Variants in MGRN1 observed in about 807,000 individuals in gnomAD.
The protein encoded by MGRN1 is E3 ubiquitin-protein ligase MGRN1.
A neutral mutation model predicts 69.2 loss-of-function variants in MGRN1; 29 were observed. That is an observed-to-expected ratio of 0.42 (90% CI 0.31 to 0.57). MGRN1 has a LOEUF of 0.57. MGRN1 is among the 20% of genes least tolerant of loss of function. MGRN1 has a pLI of 0.15. For missense variants in MGRN1, 998 were observed against 796.2 expected, an observed-to-expected ratio of 1.25 and a Z score of -3.05; for synonymous variants, 470 against 344.2, an observed-to-expected ratio of 1.37 and a Z score of -4.04.
intron 8 of MGRN1, among the ~76,000 whole-genome samples, chr16:4,668,745 C>A (rs1369393283): frequency 4.3e-5 from 6 of 137,986 alleles, no homozygotes; most frequent in African/African-American, 1.4e-4. Context: ...CATACTGATA[C>A]ACACACATAT....
rs2079187589 is a variant in MGRN1 at position 4,681,779 on chromosome 16, G to A, written c.1358+3G>A. The A allele has an allele frequency of 6.2e-7, 1 of 1,608,808 alleles. No individual in the cohort carries two copies. Among genetic ancestry groups the A allele is most frequent in the African/African-American group, 1.3e-5 (1 of 74,858 alleles). ...CCGCAGAGCAAGGCCCCCGACAGGT[G>A]AGCAGCAGCCAGGCCAGGTGCATGG... On this transcript the variant is annotated splice_donor_region_variant and intron_variant, in intron 13 of 16. Coordinates refer to ENST00000262370, the MANE Select transcript of MGRN1 (RefSeq NM_015246.4).
At chr16:4,686,574 A>G in intron 16 of MGRN1, 1 of 1,309,830 alleles carries the variant, frequency 7.6e-7, no homozygotes, top group East Asian at 3.2e-5. Flanking sequence ...TCCAGCCTTG[A>G]GGGGCCCTGG....
At chr16:4,681,462 A>G in intron 12 of MGRN1, 88 bp from the exon 13 acceptor site, 1 of 1,297,638 alleles carries the variant, frequency 7.7e-7, no homozygotes, top group Non-Finnish European at 1.1e-6. Flanking sequence ...CCCCCAAAGA[A>G]CAGAGTGGAC....
intron 16 of MGRN1, among the ~76,000 whole-genome samples, chr16:4,684,241 GGGGT>G (rs897710503): frequency 2.6e-5 from 4 of 152,246 alleles, no homozygotes; most frequent in African/African-American, 9.6e-5. Flanking sequence ...GTGAGAGGAT[GGGGT>G]CCTTTTCCCT....
At chr16:4,682,079 G>A (rs1321254895) in intron 13 of MGRN1, among the ~76,000 whole-genome samples, 1 of 152,228 alleles carries the variant, frequency 6.6e-6, no homozygotes. Context: ...CTGTGTCTCT[G>A]CTGAGGGGAG....
intron 11 of MGRN1, among the ~76,000 whole-genome samples, chr16:4,679,198 G>A (rs890461249): frequency 2.0e-5 from 3 of 152,196 alleles, no homozygotes; most frequent in African/African-American, 7.2e-5. Flanking sequence ...CCTCTGAGAG[G>A]GTTTCACCTA....
At chr16:4,660,589 C>T (rs895384900) in intron 5 of MGRN1, among the ~76,000 whole-genome samples, 39 of 152,324 alleles carry the variant, frequency 2.6e-4, no homozygotes, top group South Asian at 1.2e-3. Flanking sequence ...TGGGCAGAAG[C>T]GAAGGGGTGG....
intron 16 of MGRN1, chr16:4,686,623 G>T: frequency 8.5e-7 from 1 of 1,178,456 alleles, no homozygotes; most frequent in Non-Finnish European, 1.1e-6. Context: ...ACACAGCCCA[G>T]GTGCGCCAGA....
intron 7 of MGRN1, among the ~76,000 whole-genome samples, chr16:4,667,692 C>T (rs1596302071): frequency 6.6e-6 from 1 of 152,218 alleles, no homozygotes; most frequent in Non-Finnish European, 1.5e-5. Context: ...GGTCTCCGAT[C>T]TCAAGCCGTA....
At chr16:4,628,272 G>A (rs1406461522) in intron 1 of MGRN1, among the ~76,000 whole-genome samples, 1 of 151,158 alleles carries the variant, frequency 6.6e-6, no homozygotes, top group Non-Finnish European at 1.5e-5. Flanking sequence ...TGTAGTCCCA[G>A]CCACTCGGGA....
chr16:4,625,087 G>C, intron 1 of MGRN1, 39 bp downstream of exon 1: 1 of 1,489,574 alleles, frequency 6.7e-7, no homozygotes, highest in East Asian at 3.0e-5. Flanking sequence ...CTAGGCACGC[G>C]CTGGAACGCG....
intron 1 of MGRN1, among the ~76,000 whole-genome samples, chr16:4,637,499 C>G (rs1223111530): frequency 6.6e-6 from 1 of 152,088 alleles, no homozygotes; most frequent in South Asian, 2.1e-4. Context: ...TTCCTAAGTG[C>G]TTTTTATTAT....
intron 15 of MGRN1, among the ~76,000 whole-genome samples, chr16:4,683,606 A>AG (rs1161687889): frequency 6.6e-6 from 1 of 151,084 alleles, no homozygotes; most frequent in African/African-American, 2.4e-5. Flanking sequence ...AGTGTAAAAA[A>AG]GGGGAAAAAA....
intron 1 of MGRN1, among the ~76,000 whole-genome samples, chr16:4,646,317 T>C (rs1193416187): frequency 1.3e-5 from 2 of 152,044 alleles, no homozygotes; most frequent in African/African-American, 4.8e-5. Flanking sequence ...TGATCCCAGC[T>C]ACTTGGGAGG....
chr16:4,637,493 T>A (rs1034811573), intron 1 of MGRN1, among the ~76,000 whole-genome samples: 1 of 152,212 alleles, frequency 6.6e-6, no homozygotes, highest in South Asian at 2.1e-4. Context: ...AGCTCTTTCC[T>A]AAGTGCTTTT....
rs1384351444 is a variant in MGRN1 at position 4,682,898 on chromosome 16, C to G, written c.1434C>G (p.Pro478=). ...TCTCCGAGGACGTGGACGCCCCTCC[C>G]CCACTGGGTGGCGCAGAGCTGGCCC... ...EKLSEDVDAP[P]PLGGAELALR... Residue 478 remains proline (P), a synonymous_variant, in exon 14 of 17, where the codon CCC becomes CCG. Coordinates refer to ENST00000262370, the MANE Select transcript of MGRN1 (RefSeq NM_015246.4). 1 of 1,609,196 alleles carries G rather than the reference C, an allele frequency of 6.2e-7. No individual in the cohort carries two copies. Among genetic ancestry groups the G allele is most frequent in the Non-Finnish European group, 8.5e-7 (1 of 1,176,926 alleles).
Position 4,671,400 on chromosome 16 carries a change from G to T in MGRN1, c.736G>T (p.Val246Phe). The T allele has an allele frequency of 6.2e-7, 1 of 1,614,102 alleles. No homozygotes were observed. Among genetic ancestry groups the T allele is most frequent in the Non-Finnish European group, 8.5e-7 (1 of 1,179,988 alleles). ...CCTCTCTGCTCTCCAGGTGGACCGGGTCAGCTACCTCCTGCAGGAGATCTA... is the reference window on the plus strand; with the variant it reads ...CCTCTCTGCTCTCCAGGTGGACCGGTTCAGCTACCTCCTGCAGGAGATCTA... ...PLKQKQIVDR[V>F]SYLLQEIYGI... The change falls in exon 9 of 17, where the codon GTC becomes TTC. Residue 246 changes from valine (V) to phenylalanine (F), a missense_variant. Val to Phe is a conservative substitution (Grantham distance 50). Transcript: ENST00000262370.
intron 8 of MGRN1, among the ~76,000 whole-genome samples, chr16:4,670,090 A>T (rs1238322959): frequency 6.6e-6 from 1 of 152,152 alleles, no homozygotes; most frequent in Admixed American, 6.5e-5. Context: ...GACAAGACAG[A>T]GTCTCGCTCT....
At chr16:4,687,609 G>A (rs1325600183) in intron 16 of MGRN1, 10 of 434,304 alleles carry the variant, frequency 2.3e-5, no homozygotes, top group African/African-American at 8.6e-5. Flanking sequence ...ACACACACAC[G>A]GGGGAGAGAG....
Sources: gnomAD v4.1 joint callset for allele counts (sites outside exome capture counted in the v4.1 genomes callset) on GRCh38, gnomAD v4.1.1 for gene constraint, MANE v1.5 for transcripts, NCBI Gene and HGNC (gene_info 2026-07-23, HGNC 2026-07-21) for gene names.